Variants in SLC4A1 observed in about 807,000 individuals in gnomAD.
SLC4A1 encodes band 3 anion transport protein.
In SLC4A1, 29 loss-of-function variants were observed where a neutral mutation model predicts 93.1. The observed-to-expected ratio is 0.31, with a 90% CI of 0.23 to 0.42. SLC4A1 has a LOEUF of 0.42. Among genes scored for constraint, SLC4A1 ranks in the 20% least tolerant of loss-of-function variants. The pLI, the probability that SLC4A1 is intolerant of heterozygous loss-of-function variation, is 1.00. For synonymous variants in SLC4A1, 469 were observed against 497.2 expected, an observed-to-expected ratio of 0.94 and a Z score of 0.76; for missense variants, 965 against 1,190.1, an observed-to-expected ratio of 0.81 and a Z score of 2.78.
chr17:44,252,324 C>T (rs2047350652), intron 17 of SLC4A1, among the ~76,000 whole-genome samples: 1 of 152,092 alleles, frequency 6.6e-6, no homozygotes, highest in Admixed American at 6.5e-5. Context: ...AGCCACAACC[C>T]CCGGCCTCTA....
chr17:44,258,558 G>C lies in SLC4A1; in HGVS notation c.942C>G (p.Phe314Leu). The C allele has an allele frequency of 6.2e-7, 1 of 1,613,576 alleles. No homozygotes were observed. Among genetic ancestry groups the C allele is most frequent in the Non-Finnish European group, 8.5e-7 (1 of 1,179,818 alleles). The change falls in exon 10 of 20, where the codon TTC (phenylalanine) becomes TTG (leucine). Residue 314 changes from phenylalanine to leucine, a missense_variant. Coordinates refer to ENST00000262418, the MANE Select transcript of SLC4A1 (RefSeq NM_000342.4). The surrounding 1 kb of genome is among the most constrained non-coding windows in gnomAD (Gnocchi z 6.1). ...RGELLHSLEG[F>L]LDCSLVLPPT... ...GAGGCAGCACTAGGCTGCAGTCCAG[G>C]AAGCCCTCTAGGGAGTGCAGCAGCT...
chr17:44,267,235 G>A (rs759608650), intron 1 of SLC4A1, among the ~76,000 whole-genome samples: 3 of 152,106 alleles, frequency 2.0e-5, no homozygotes, highest in Non-Finnish European at 4.4e-5. Flanking sequence ...CTCTGCAGTC[G>A]GACTGCCTGG....
chr17:44,256,109 C>T (rs1287312522), intron 13 of SLC4A1, among the ~76,000 whole-genome samples: 2 of 152,194 alleles, frequency 1.3e-5, no homozygotes, highest in African/African-American at 4.8e-5. Context: ...ATCCATTCAT[C>T]CGTCCATCAT....
chr17:44,266,949 A>G (rs1371136602), intron 1 of SLC4A1, among the ~76,000 whole-genome samples: 2 of 152,240 alleles, frequency 1.3e-5, no homozygotes, highest in Admixed American at 6.5e-5. Context: ...AACTGCACAA[A>G]GAACTGTACT....
chr17:44,251,720 C>CTTTTTTTTTTTTTTTTTTTCT (rs67064853), intron 17 of SLC4A1, 132 bp from the exon 18 acceptor site: 1 of 359,772 alleles, frequency 2.8e-6, no homozygotes, highest in Non-Finnish European at 4.8e-6. Context: ...CTTTTCTTTT[C>CTTTTTTTTTTTTTTTTTTTCT]TTTTTTTTTT....
rs777464599 is a variant in SLC4A1, at chr17:44,258,589, C to T, written c.911G>A (p.Arg304Gln). 73 of 1,610,904 alleles carry T rather than the reference C, an allele frequency of 4.5e-5. No individual in the cohort carries two copies. In the South Asian group the frequency reaches 6.4e-4, roughly 14 times the overall value. ...FRIDAYMAQS[R>Q]GELLHSLEGF... ...CTCTAGGGAGTGCAGCAGCTCCCCTCGGCTCTGAGCCATGTAGGCATCTAT... is the reference window on the plus strand; with the variant it reads ...CTCTAGGGAGTGCAGCAGCTCCCCTTGGCTCTGAGCCATGTAGGCATCTAT... Residue 304 changes from arginine to glutamine, a missense_variant, in exon 10 of 20, where the codon CGA becomes CAA. This residue lies in a region of SLC4A1 where 770 missense variants were observed against 1,006.6 expected (regional missense o/e 0.76). Coordinates refer to ENST00000262418, the MANE Select transcript of SLC4A1 (RefSeq NM_000342.4). The surrounding 1 kb of genome is among the most constrained non-coding windows in gnomAD (Gnocchi z 6.1).
At chr17:44,262,601 A>G (rs1244937029) in intron 3 of SLC4A1, 35 bp downstream of exon 3, 2 of 1,502,990 alleles carry the variant, frequency 1.3e-6, no homozygotes, top group South Asian at 2.3e-5. Flanking sequence ...AGGGCTCAGC[A>G]GCTCATCCCA....
chr17:44,257,724 C>A lies in SLC4A1; in HGVS notation c.1366G>T (p.Ala456Ser), dbSNP rs774299761. ...VQGILFALLG[A>S]QPLLVVGFSG... ...AAGCCGACCACAAGCAGGGGCTGAG[C>A]CCCCAGCAGGGCGAAGAGAATGCCC... The change falls in exon 12 of 20, where the codon GCT (alanine) becomes TCT (serine). Residue 456 changes from alanine to serine, a missense_variant. Physicochemically the swap from Ala to Ser is moderately conservative, Grantham distance 99. Transcript: ENST00000262418. 62 of 1,613,950 alleles carry A rather than the reference C, an allele frequency of 3.8e-5. No homozygotes were observed. Among genetic ancestry groups the A allele is most frequent in the Non-Finnish European group, 5.3e-5 (62 of 1,179,958 alleles).
rs758199798 is a variant in SLC4A1, at chr17:44,250,452, C to T, written c.*6G>A. 22 of 1,608,328 alleles carry T rather than the reference C, an allele frequency of 1.4e-5. No homozygotes were observed. The highest frequency in any genetic ancestry group is 5.5e-5 in the South Asian group (5 of 90,978). Reference sequence around the variant, plus strand: ...TGGGGGAGGGTCTAGGGCCTGGGCCCGCCCCTCACACAGGCATGGCCACTT... The same window carrying T: ...TGGGGGAGGGTCTAGGGCCTGGGCCTGCCCCTCACACAGGCATGGCCACTT... On this transcript the variant is annotated 3_prime_UTR_variant, in exon 20 of 20. Transcript: ENST00000262418.
Position 44,258,890 on chromosome 17 carries a change from G to A in SLC4A1, c.877-267C>T, listed in dbSNP as rs2047414871. Among the ~76,000 whole-genome samples, 1 of 152,122 alleles carries A rather than the reference G, an allele frequency of 6.6e-6. No individual in the cohort carries two copies. The highest frequency in any genetic ancestry group is 1.5e-5 in the Non-Finnish European group (1 of 68,020). ...ACTAGATGAAACTAGAGCTGACTAG[G>A]CCCGACCAAGCCTGACCTGACCAGG... On this transcript the variant is annotated intron_variant, in intron 9 of 19. Transcript: ENST00000262418. The surrounding 1 kb of genome is among the most constrained non-coding windows in gnomAD (Gnocchi z 6.1).
chr17:44,263,706 C>CTT (rs2047468338), intron 1 of SLC4A1, among the ~76,000 whole-genome samples: 1 of 48,212 alleles, frequency 2.1e-5, no homozygotes, highest in African/African-American at 6.5e-5. Context: ...CCCTCCCTTC[C>CTT]CTCCTTCCTT....
Position 44,258,408 on chromosome 17 carries a change from G to A in SLC4A1, c.1087+5C>T. 2 of 1,613,566 alleles carry A rather than the reference G, an allele frequency of 1.2e-6. No homozygotes were observed. The highest frequency in any genetic ancestry group is 1.7e-6 in the Non-Finnish European group (2 of 1,179,560). Reference sequence around the variant, plus strand: ...CAGAAAGCCTCAGCTGGGAAGGGCAGGTACCTAGGCCCTTGTAGAAGCTGG... The same window carrying A: ...CAGAAAGCCTCAGCTGGGAAGGGCAAGTACCTAGGCCCTTGTAGAAGCTGG... On this transcript the variant is annotated splice_donor_5th_base_variant and intron_variant, in intron 10 of 19. Transcript: ENST00000262418. The surrounding 1 kb of genome is among the most constrained non-coding windows in gnomAD (Gnocchi z 6.1).
At chr17:44,255,538 G>T in intron 14 of SLC4A1, 135 bp downstream of exon 14, 1 of 978,764 alleles carries the variant, frequency 1.0e-6, no homozygotes, top group Non-Finnish European at 1.6e-6. Context: ...TAAGGATAGG[G>T]CCAGGGGAGG....
intron 1 of SLC4A1, among the ~76,000 whole-genome samples, chr17:44,265,734 C>G (rs993214974): frequency 6.6e-6 from 1 of 152,132 alleles, no homozygotes; most frequent in Non-Finnish European, 1.5e-5. Context: ...TGGAGCTGAA[C>G]AGGTGGGCTG....
At chr17:44,267,053 C>T (rs2047501495) in intron 1 of SLC4A1, among the ~76,000 whole-genome samples, 1 of 152,144 alleles carries the variant, frequency 6.6e-6, no homozygotes, top group Non-Finnish European at 1.5e-5. Flanking sequence ...TCTACAGATG[C>T]GAAAGCTGAG....
chr17:44,258,186 G>A lies in SLC4A1; in HGVS notation c.1088-6C>T. ...ATCTGGGCCCCCATTTAAGTCTGTG[G>A]TGGAGGATAAGAGCATGGTCAGAGG... On this transcript the variant is annotated splice_polypyrimidine_tract_variant and splice_region_variant and intron_variant, in intron 10 of 19. Transcript: ENST00000262418. This position sits in a 1 kb window ranked among gnomAD's most constrained non-coding sequence, Gnocchi z 6.1. 2 of 1,613,886 alleles carry A rather than the reference G, an allele frequency of 1.2e-6. No homozygotes were observed. The highest frequency in any genetic ancestry group is 1.1e-5 in the South Asian group (1 of 91,080).
chr17:44,262,639 C>T lies in SLC4A1; in HGVS notation c.103G>A (p.Ala35Thr), dbSNP rs1271763556. 3 of 1,609,180 alleles carry T rather than the reference C, an allele frequency of 1.9e-6. No individual in the cohort carries two copies. The highest frequency in any genetic ancestry group is 1.3e-5 in the African/African-American group (1 of 74,786). ...TGAGGGAGGGAGAGGGGCTCACCTG[C>T]CGGCTCCTCCATCTGGGACTCGGGG... Reference protein sequence around the residue: ...DIPESQMEEPAAHDTEATATD... With the variant: ...DIPESQMEEPTAHDTEATATD... Residue 35 changes from alanine (A) to threonine (T), a missense_variant, in exon 3 of 20, where the codon GCA becomes ACA. Ala to Thr is a moderately conservative substitution (Grantham distance 58). Around this residue, in one of 2 missense-constraint regions of SLC4A1, gnomAD observed 195 missense variants for 183.5 expected, o/e 1.06. Transcript: ENST00000262418.
intron 13 of SLC4A1, among the ~76,000 whole-genome samples, 196 bp from the exon 14 acceptor site, chr17:44,256,042 T>G (rs1046855851): frequency 6.6e-6 from 1 of 152,158 alleles, no homozygotes; most frequent in African/African-American, 2.4e-5. Flanking sequence ...CATCCATCCA[T>G]TCATTATCCA....
Position 44,257,500 on chromosome 17 carries a change from C to T in SLC4A1, c.1476G>A (p.Trp492Ter), listed in dbSNP as rs1359458155. The change falls in exon 13 of 20, where the codon TGG becomes TGA. Residue 492 changes from tryptophan (W) to a stop codon, truncating the protein, a stop_gained. Coordinates refer to ENST00000262418, the MANE Select transcript of SLC4A1 (RefSeq NM_000342.4). LOFTEE classifies it high-confidence loss of function. ...NGLEYIVGRV[W>*]IGFWLILLVV... is the part of the protein sequence containing the mutation. ...CCAGCAGGATGAGCCAGAAGCCGAT[C>T]CACACGCGGCCCACGATGTACTCTA... is the stretch of plus-strand genomic sequence containing the variant. The T allele has an allele frequency of 6.2e-7, 1 of 1,613,978 alleles. No individual in the cohort carries two copies. Among genetic ancestry groups the T allele is most frequent in the Non-Finnish European group, 8.5e-7 (1 of 1,180,040 alleles).
Sources: gnomAD v4.1 joint callset for allele counts (sites outside exome capture counted in the v4.1 genomes callset) on GRCh38, gnomAD v4.1.1 for gene constraint, gnomAD v4.1.1 regional missense constraint, Gnocchi (gnomAD v3.1) non-coding constraint, MANE v1.5 for transcripts, NCBI Gene and HGNC (gene_info 2026-07-23, HGNC 2026-07-21) for gene names.